ZNF131: variants seen among roughly 807,000 people sequenced by gnomAD.
ZNF131 encodes the protein zinc finger protein 131.
ZNF131 carries 7 observed loss-of-function variants against 60.0 expected under a neutral mutation model. The observed-to-expected ratio is 0.12, with a 90% CI of 0.07 to 0.22. ZNF131 has a LOEUF of 0.22. Ranked by LOEUF, ZNF131 falls within the 10% of genes least tolerant of loss-of-function variation. The probability of loss-of-function intolerance (pLI) is 1.00; values close to 1 mark genes in which losing one functional copy is unlikely to be tolerated. For synonymous variants in ZNF131, 257 were observed against 253.2 expected, an observed-to-expected ratio of 1.01 and a Z score of -0.14; for missense variants, 493 against 740.9, an observed-to-expected ratio of 0.67 and a Z score of 3.88.
chr5:43,162,398 C>T (rs1475099199), intron 5 of ZNF131, among the ~76,000 whole-genome samples: 2 of 150,866 alleles, frequency 1.3e-5, no homozygotes, highest in African/African-American at 4.9e-5. Flanking sequence ...TCGAGACCAG[C>T]CTGGCCAACA....
intron 3 of ZNF131, among the ~76,000 whole-genome samples, chr5:43,137,964 C>T (rs1002188861): frequency 2.0e-5 from 3 of 152,148 alleles, no homozygotes; most frequent in Non-Finnish European, 2.9e-5. Flanking sequence ...GTGAAGTAAG[C>T]CAGTCACAGA....
intron 3 of ZNF131, among the ~76,000 whole-genome samples, chr5:43,126,023 A>C (rs747775402): frequency 6.6e-6 from 1 of 152,228 alleles, no homozygotes; most frequent in East Asian, 1.9e-4. Flanking sequence ...AATTTGGTTC[A>C]GTATCTTAAG....
intron 5 of ZNF131, among the ~76,000 whole-genome samples, chr5:43,164,091 T>A (rs1750073603): frequency 6.6e-6 from 1 of 152,208 alleles, no homozygotes; most frequent in African/African-American, 2.4e-5. Context: ...TTTGGGAAAA[T>A]GCTTTCTGAT....
At chr5:43,146,888 A>G (rs1455722448) in intron 4 of ZNF131, among the ~76,000 whole-genome samples, 1 of 152,132 alleles carries the variant, frequency 6.6e-6, no homozygotes, top group Non-Finnish European at 1.5e-5. Flanking sequence ...CATGGATGAC[A>G]GAAACTCCAT....
Position 43,126,909 on chromosome 5 carries a change from G to T in ZNF131, c.226+3599G>T, listed in dbSNP as rs573989482. Among the ~76,000 whole-genome samples the T allele has an allele frequency of 2.6e-5, 4 of 152,132 alleles. No individual in the cohort carries two copies. The South Asian group carries it at 8.3e-4, about 32-fold the overall frequency. On this transcript the variant is annotated intron_variant, in intron 3 of 6. Coordinates refer to ENST00000682664, the MANE Select transcript of ZNF131 (RefSeq NM_001330707.2). ...ATCTTTTCTAGTTCTCTAGCCAGAA[G>T]GAGTTTCTCTTGGAACTTTTCTCTG... is the stretch of plus-strand genomic sequence containing the variant.
intron 4 of ZNF131, among the ~76,000 whole-genome samples, chr5:43,154,878 G>A (rs1306879414): frequency 1.3e-5 from 2 of 152,188 alleles, no homozygotes; most frequent in Non-Finnish European, 2.9e-5. Context: ...AATCTGCCAA[G>A]TCTTCCAAGT....
intron 3 of ZNF131, among the ~76,000 whole-genome samples, chr5:43,138,265 C>T (rs1305064689): frequency 6.6e-6 from 1 of 152,172 alleles, no homozygotes; most frequent in Non-Finnish European, 1.5e-5. Context: ...TTTCATTGAA[C>T]ATGTGACATT....
chr5:43,166,310 T>A (rs1346907996), intron 5 of ZNF131, among the ~76,000 whole-genome samples: 3 of 152,152 alleles, frequency 2.0e-5, no homozygotes, highest in Non-Finnish European at 4.4e-5. Flanking sequence ...TATGCCTTGC[T>A]CTCACAGGCT....
At chr5:43,142,394 C>T (rs556916467) in intron 4 of ZNF131, among the ~76,000 whole-genome samples, 1 of 140,826 alleles carries the variant, frequency 7.1e-6, no homozygotes, top group Non-Finnish European at 1.6e-5. Flanking sequence ...CCACCGCCTC[C>T]CCCGGGTTCA....
intron 4 of ZNF131, among the ~76,000 whole-genome samples, chr5:43,155,154 A>G (rs1748799840): frequency 1.3e-5 from 2 of 152,162 alleles, no homozygotes; most frequent in Non-Finnish European, 2.9e-5. Context: ...GCTTTGGGCA[A>G]CAGTTAGGGA....
chr5:43,175,269 C>A lies in ZNF131; in HGVS notation c.*136C>A. 1.1e-6 allele frequency: 1 copy of A among 874,138 alleles called. No individual in the cohort carries two copies. Among genetic ancestry groups the A allele is most frequent in the Non-Finnish European group, 1.7e-6 (1 of 578,048 alleles). 54.1% of individuals were successfully genotyped at this position (874,138 alleles called of 1,614,324 possible). A position where few individuals can be genotyped will look rare whatever the true frequency, so the allele number is the denominator to read the frequency against. On this transcript the variant is annotated 3_prime_UTR_variant, in exon 7 of 7. Transcript: ENST00000682664. ...GTTTCCTGTTGTGCTGAACTGTTGTCCGTTGAAACACATTGATTCCCCTCC... is the reference window on the plus strand; with the variant it reads ...GTTTCCTGTTGTGCTGAACTGTTGTACGTTGAAACACATTGATTCCCCTCC...
At chr5:43,138,113 C>A (rs899909254) in intron 3 of ZNF131, among the ~76,000 whole-genome samples, 2 of 152,122 alleles carry the variant, frequency 1.3e-5, no homozygotes, top group African/African-American at 4.8e-5. Flanking sequence ...AGTTACTAAT[C>A]AGTGGGCATA....
chr5:43,147,879 C>T (rs574130673), intron 4 of ZNF131, among the ~76,000 whole-genome samples: 19 of 151,032 alleles, frequency 1.3e-4, no homozygotes, highest in Non-Finnish European at 2.7e-4. Flanking sequence ...CATGGTGAAA[C>T]CCACCTCTAC....
chr5:43,140,745 C>T (rs752586379), intron 4 of ZNF131, among the ~76,000 whole-genome samples: 2 of 152,138 alleles, frequency 1.3e-5, no homozygotes, highest in South Asian at 4.2e-4. Flanking sequence ...GAGATGGAGT[C>T]TTGCTCTGTC....
intron 4 of ZNF131, among the ~76,000 whole-genome samples, chr5:43,140,117 AGGTGG>A (rs1007402112): frequency 2.7e-5 from 2 of 75,286 alleles, no homozygotes; most frequent in Non-Finnish European, 5.8e-5. Context: ...TCAGGAGCTG[AGGTGG>A]GAGGGGAGGA....
At chr5:43,132,505 CTTTTT>C (rs4050538) in intron 3 of ZNF131, among the ~76,000 whole-genome samples, 17 of 93,496 alleles carry the variant, frequency 1.8e-4, no homozygotes, top group African/African-American at 5.9e-4. Context: ...GAATGGTATT[CTTTTT>C]TTTTTTTTTT....
intron 4 of ZNF131, among the ~76,000 whole-genome samples, chr5:43,155,577 G>A (rs1748860149): frequency 6.6e-6 from 1 of 152,202 alleles, no homozygotes; most frequent in East Asian, 1.9e-4. Flanking sequence ...CAGTTCGATT[G>A]TTAACTTCCA....
intron 4 of ZNF131, among the ~76,000 whole-genome samples, chr5:43,143,687 C>T (rs1747150007): frequency 6.6e-6 from 1 of 152,034 alleles, no homozygotes; most frequent in East Asian, 1.9e-4. Context: ...AGTCTTAAAC[C>T]AGTAAGTCTC....
At chr5:43,171,238 G>A (rs1054440012) in intron 5 of ZNF131, among the ~76,000 whole-genome samples, 4 of 152,234 alleles carry the variant, frequency 2.6e-5, no homozygotes, top group South Asian at 4.1e-4. Context: ...GTGAGCCACC[G>A]CACCTGGTCT....
Sources: allele counts gnomAD v4.1 joint callset (sites outside exome capture counted in the v4.1 genomes callset), GRCh38; gene constraint gnomAD v4.1.1; transcripts MANE v1.5; gene names NCBI Gene and HGNC (gene_info 2026-07-23, HGNC 2026-07-21).